Variants in DPP6 observed in about 807,000 individuals in gnomAD.
The protein encoded by DPP6 is A-type potassium channel modulatory protein DPP6.
DPP6 carries 69 observed loss-of-function variants against 122.6 expected under a neutral mutation model. That is an observed-to-expected ratio of 0.56 (90% confidence interval 0.46 to 0.69). DPP6 has a LOEUF of 0.69. Among genes scored for constraint, DPP6 ranks in the 30% least tolerant of loss-of-function variants. DPP6 has a pLI of 0.00. For missense variants in DPP6, 928 were observed against 1,116.9 expected, an observed-to-expected ratio of 0.83 and a Z score of 2.41; for synonymous variants, 418 against 433.1, an observed-to-expected ratio of 0.97 and a Z score of 0.43.
intron 5 of DPP6, among the ~76,000 whole-genome samples, chr7:154,634,274 T>C (rs561172396): frequency 6.6e-6 from 1 of 151,004 alleles, no homozygotes; most frequent in East Asian, 2.0e-4. Context: ...TGGTTTTTTG[T>C]CCTTGCGCTA....
At chr7:154,104,294 T>A (rs1465823378) in intron 1 of DPP6, among the ~76,000 whole-genome samples, 1 of 152,246 alleles carries the variant, frequency 6.6e-6, no homozygotes, top group Non-Finnish European at 1.5e-5. Flanking sequence ...TGTTTTTGGC[T>A]AGACCTTGAG....
intron 1 of DPP6, among the ~76,000 whole-genome samples, chr7:154,231,841 A>G (rs1313111702): frequency 1.3e-5 from 2 of 152,154 alleles, no homozygotes; most frequent in Non-Finnish European, 2.9e-5. Context: ...TCAGCAGTGT[A>G]TTGATGATTT....
intron 1 of DPP6, among the ~76,000 whole-genome samples, chr7:153,917,416 T>G (rs1800374017): frequency 6.6e-6 from 1 of 152,192 alleles, no homozygotes; most frequent in Admixed American, 6.5e-5. Context: ...TTGGGCAGTG[T>G]TAAAACCTGG....
chr7:154,889,912 G>A (rs1563332985), intron 25 of DPP6: 2 of 227,254 alleles, frequency 8.8e-6, no homozygotes, highest in East Asian at 2.3e-4. Flanking sequence ...AGTGGTGCTG[G>A]TGGGCCCTGA....
At chr7:154,122,448 C>A (rs1369177698) in intron 1 of DPP6, among the ~76,000 whole-genome samples, 3 of 152,164 alleles carry the variant, frequency 2.0e-5, no homozygotes, top group African/African-American at 7.2e-5. Flanking sequence ...GCATACCTCC[C>A]ATCTATTATA....
chr7:154,503,073 C>G (rs1161605657), intron 3 of DPP6, among the ~76,000 whole-genome samples: 1 of 152,174 alleles, frequency 6.6e-6, no homozygotes, highest in Non-Finnish European at 1.5e-5. Flanking sequence ...AAGAATTCTC[C>G]TGATCCTTGC....
rs1422684408 is a variant in DPP6 at position 154,060,739 on chromosome 7, GCAGGGAC to G, written c.243+7677_243+7683del. Among the ~76,000 whole-genome samples the G allele has an allele frequency of 4.5e-3, 558 of 122,956 alleles. 1 individual carries two copies. Among genetic ancestry groups the G allele is most frequent in the African/African-American group, 0.016 (501 of 31,976 alleles). 80.7% of individuals were successfully genotyped at this position (122,956 alleles called of 152,430 possible). A position where few individuals can be genotyped will look rare whatever the true frequency, so the allele number is the denominator to read the frequency against. ...CAGGGGGGGAGGCACCCCCCGCGAG[GCAGGGAC>G]TGAGAGCCAGTCCCTCTTCCCCCCC... On this transcript the variant is annotated intron_variant, in intron 1 of 25. Transcript: ENST00000377770.
intron 1 of DPP6, among the ~76,000 whole-genome samples, chr7:154,005,190 CT>C (rs1797861071): frequency 6.6e-6 from 1 of 152,230 alleles, no homozygotes; most frequent in Admixed American, 6.5e-5. Flanking sequence ...CAGATTTCAT[CT>C]TGGAGACCTT....
Position 154,691,830 on chromosome 7 carries a change from T to C in DPP6, c.762+22389T>C, listed in dbSNP as rs193148774. ...TGAGACTCTGTCTCAAAAAAACAAA[T>C]AAATAAATAAATGAAAGAAAAAAAG... On this transcript the variant is annotated intron_variant, in intron 7 of 25. Transcript: ENST00000377770. 9.6e-3 allele frequency among the ~76,000 whole-genome samples: 1,437 copies of C among 149,284 alleles called. 23 individuals are homozygous for C. Among genetic ancestry groups the C allele is most frequent in the African/African-American group, 0.033 (1,355 of 40,628 alleles).
the DPP6 span, among the ~76,000 whole-genome samples, chr7:153,857,241 A>T: frequency 2.0e-5 from 3 of 151,996 alleles, no homozygotes; most frequent in Non-Finnish European, 4.4e-5. Flanking sequence ...AGTTAAGCAC[A>T]ATTTTTAATA....
intron 1 of DPP6, among the ~76,000 whole-genome samples, chr7:154,147,755 G>A (rs924026552): frequency 6.6e-6 from 1 of 151,830 alleles, no homozygotes; most frequent in African/African-American, 2.4e-5. Flanking sequence ...TGTTGGCCAG[G>A]CTGGTCTTGA....
exon 1 of DPP6, chr7:153,887,607 C>G (rs541759832): frequency 2.3e-4 from 356 of 1,555,720 alleles, no homozygotes; most frequent in Non-Finnish European, 2.6e-4. Context: ...CCAGTCCAGT[C>G]TACTTTAATC....
At chr7:153,985,562 GGGACTAA>G (rs1325854866) in intron 1 of DPP6, among the ~76,000 whole-genome samples, 4 of 152,184 alleles carry the variant, frequency 2.6e-5, no homozygotes, top group Non-Finnish European at 5.9e-5. Context: ...TGTGGTGGAT[GGGACTAA>G]GGAAAGAAAG....
At chr7:154,804,997 C>G (rs1190028621) in intron 15 of DPP6, 33 bp downstream of exon 15, 1 of 1,579,388 alleles carries the variant, frequency 6.3e-7, no homozygotes, top group East Asian at 2.3e-5. Flanking sequence ...ACAGGGCTCT[C>G]CCCCTTAGGA....
At chr7:154,884,071 T>TACACATGCTCACCCACACATGCTCACCC (rs1805810602) in intron 21 of DPP6, 1 of 113,242 alleles carries the variant, frequency 8.8e-6, no homozygotes, top group African/African-American at 3.9e-5. Flanking sequence ...TGCTCACCCA[T>TACACATGCTCACCCACACATGCTCACCC]ACACATGCTC....
At chr7:153,956,069 G>A (rs182654309) in intron 1 of DPP6, among the ~76,000 whole-genome samples, 29 of 152,326 alleles carry the variant, frequency 1.9e-4, no homozygotes, top group Middle Eastern at 3.4e-3. Flanking sequence ...CAAAAGTACC[G>A]GATGGAGCAG....
chr7:154,853,866 C>G (rs3778732), intron 17 of DPP6, 39 bp downstream of exon 17: 1 of 1,610,080 alleles, frequency 6.2e-7, no homozygotes, highest in Non-Finnish European at 8.5e-7. Flanking sequence ...TCCTGAGACT[C>G]AGGAGAAAGG....
chr7:154,459,805 C>CAA (rs775605275), intron 2 of DPP6, among the ~76,000 whole-genome samples: 1,988 of 62,964 alleles, frequency 0.032, 74 homozygotes, highest in East Asian at 0.091. Flanking sequence ...GATTCCATCT[C>CAA]AAAAAAAAAA....
chr7:154,520,789 T>C (rs1031059522), intron 3 of DPP6, among the ~76,000 whole-genome samples: 2 of 152,216 alleles, frequency 1.3e-5, no homozygotes, highest in Non-Finnish European at 2.9e-5. Context: ...TAGTAAGACC[T>C]CCTCACATTT....
Sources: gnomAD v4.1 joint callset for allele counts (sites outside exome capture counted in the v4.1 genomes callset) on GRCh38, gnomAD v4.1.1 for gene constraint, MANE v1.5 for transcripts, NCBI Gene and HGNC (gene_info 2026-07-23, HGNC 2026-07-21) for gene names.